The following CCL14 variants were observed in gnomAD, a reference collection of about 807,000 sequenced individuals.
The protein encoded by CCL14 is C-C motif chemokine ligand 14, also known as C-C motif chemokine 14.
CCL14 carries 8 observed loss-of-function variants against 8.2 expected under a neutral mutation model. The ratio of observed to expected loss-of-function variants is 0.98; its 90% CI spans 0.57 to 1.76. The LOEUF (loss-of-function observed/expected upper bound fraction) is 1.76, where lower values mean the gene tolerates loss of function less well. Among genes scored for constraint, CCL14 ranks in the 40% most tolerant of loss-of-function variants. The probability of loss-of-function intolerance (pLI) is 0.00; values close to 1 mark genes in which losing one functional copy is unlikely to be tolerated. For synonymous variants in CCL14, 50 were observed against 43.2 expected (o/e 1.16, Z -0.62); for missense variants, 127 against 118.3 (o/e 1.07, Z -0.34).
At chr17:35,986,283 C>CCT in intron 1 of CCL14, 2 of 441,778 alleles carry the variant, frequency 4.5e-6, no homozygotes, top group Admixed American at 3.8e-5. Flanking sequence ...CCTGGAGTCT[C>CCT]CCAAGTCAAG....
chr17:35,983,471 G>A lies in CCL14; in HGVS notation c.*330C>T, dbSNP rs78339459. 203 of 306,104 alleles carry A rather than the reference G, an allele frequency of 6.6e-4. No individual in the cohort carries two copies. The highest frequency in any genetic ancestry group is 3.9e-3 in the African/African-American group (185 of 47,478). The allele number at this position is 306,104 out of a possible 1,614,324, so 19.0% of individuals were successfully genotyped here. The stretch of plus-strand genomic sequence containing the variant: ...TACTGTTGTTGCTGAGGAGGAGACG[G>A]TCTTTACACTGCTTTTCTTTCTCAC... On this transcript the variant is annotated 3_prime_UTR_variant, in exon 3 of 3. Transcript: ENST00000618404.
At chr17:35,984,545 G>A (rs2089730524) in intron 1 of CCL14, 93 bp from the exon 2 acceptor site, 1 of 793,500 alleles carries the variant, frequency 1.3e-6, no homozygotes, top group Non-Finnish European at 2.2e-6. Context: ...GAGGAGGGAA[G>A]GAAGGAGGAG....
chr17:35,984,026 G>T lies in CCL14; in HGVS notation c.195-138C>A, dbSNP rs1381658375. The stretch of plus-strand genomic sequence containing the variant: ...CTTCCACAGAGGCAGCTTAGAGCCA[G>T]TCTCCTCTCTGAGACATACTCTTCG... On this transcript the variant is annotated intron_variant, in intron 2 of 2. Transcript: ENST00000618404. 3.1e-5 allele frequency: 22 copies of T among 719,528 alleles called. No homozygotes were observed. The South Asian group carries it at 3.3e-4, about 11-fold the overall frequency. 44.6% of individuals were successfully genotyped at this position (719,528 alleles called of 1,614,324 possible).
intron 1 of CCL14, chr17:35,984,825 C>T (rs1242762083): frequency 1.7e-5 from 7 of 414,958 alleles, no homozygotes; most frequent in Middle Eastern, 1.2e-3. Flanking sequence ...ATGCCTTATT[C>T]GGGAAAGGTG....
In CCL14 at chr17:35,983,768, T is replaced by G; in HGVS notation, c.*33A>C. On this transcript the variant is annotated 3_prime_UTR_variant, in exon 3 of 3. Coordinates refer to ENST00000618404, the MANE Select transcript of CCL14 (RefSeq NM_032963.4). The stretch of plus-strand genomic sequence containing the variant: ...CCTTGGCATCTTCTCTTTATGTCTC[T>G]GAGCTGTGCCTTCGCCACCCCTTCT... 6 of 1,478,294 alleles carry G rather than the reference T, an allele frequency of 4.1e-6. No individual in the cohort carries two copies. Among genetic ancestry groups the G allele is most frequent in the Non-Finnish European group, 5.7e-6 (6 of 1,056,018 alleles). 91.6% of individuals were successfully genotyped at this position (1,478,294 alleles called of 1,614,324 possible).
intron 1 of CCL14, chr17:35,985,674 T>C: frequency 7.6e-7 from 1 of 1,312,536 alleles, no homozygotes; most frequent in South Asian, 1.3e-5. Context: ...CAGTCAGAGC[T>C]CCTATACTCT....
rs754659661 is a variant in CCL14 at position 35,986,634 on chromosome 17, C to T, written c.16G>A (p.Ala6Thr). ...ATGAGGAGGAAGAAGGGAATGGCAG[C>T]CACGGAGATCTTCATGCTGTGGGAA... MKISVAAIPFFLLITI... is the reference protein window; with the variant it reads MKISVTAIPFFLLITI... Residue 6 changes from alanine (A) to threonine (T), a missense_variant, in exon 1 of 3, where the codon GCT becomes ACT. By Grantham distance (58) the Ala-to-Thr change is moderately conservative. Transcript: ENST00000618404. 82 of 1,613,748 alleles carry T rather than the reference C, an allele frequency of 5.1e-5. No individual in the cohort carries two copies. The highest frequency in any genetic ancestry group is 6.6e-5 in the Non-Finnish European group (78 of 1,179,914).
At chr17:35,984,538 G>T (rs2089730468) in intron 1 of CCL14, 86 bp from the exon 2 acceptor site, 1 of 846,604 alleles carries the variant, frequency 1.2e-6, no homozygotes, top group Non-Finnish European at 2.0e-6. Context: ...GGGCATGGAG[G>T]AGGGAAGGAA....
intron 1 of CCL14, chr17:35,986,153 T>C: frequency 5.5e-6 from 2 of 361,190 alleles, no homozygotes; most frequent in South Asian, 5.2e-5. Context: ...TCCATGTCCT[T>C]GAGGGCAAGG....
chr17:35,985,497 G>A, intron 1 of CCL14: 1 of 546,424 alleles, frequency 1.8e-6, no homozygotes, highest in South Asian at 2.7e-5. Flanking sequence ...TGCATGTTAT[G>A]TGACCCTGCT....
At chr17:35,986,228 CTGTT>C (rs2089766318) in intron 1 of CCL14, 1 of 369,212 alleles carries the variant, frequency 2.7e-6, no homozygotes, top group African/African-American at 2.1e-5. Flanking sequence ...GATTCAGGAT[CTGTT>C]TATTTGGAGA....
intron 1 of CCL14, chr17:35,985,743 C>T (rs1416728876): frequency 3.9e-6 from 6 of 1,551,118 alleles, no homozygotes; most frequent in Admixed American, 2.0e-5. Flanking sequence ...AAACTGTGCA[C>T]ATACCCACCA....
At position 35,983,883 on chromosome 17, in the gene CCL14, A is replaced by G; in HGVS notation, c.200T>C (p.Ile67Thr). The change falls in exon 3 of 3, where the codon ATC becomes ACC. Residue 67 changes from isoleucine (I) to threonine (T), a missense_variant. By Grantham distance (89) the Ile-to-Thr change is moderately conservative (BLOSUM62 -1). Coordinates refer to ENST00000618404, the MANE Select transcript of CCL14 (RefSeq NM_032963.4). ...ACAGACGGAATGGCCCCTTTTGGTGATGAAGCTGTGGAGCAAGAGGGAGAA... is the reference window on the plus strand; with the variant it reads ...ACAGACGGAATGGCCCCTTTTGGTGGTGAAGCTGTGGAGCAAGAGGGAGAA... ...SQCSKPGIVFITKRGHSVCTN... is the reference protein window; with the variant it reads ...SQCSKPGIVFTTKRGHSVCTN... 1 of 1,613,450 alleles carries G rather than the reference A, an allele frequency of 6.2e-7. No individual in the cohort carries two copies.
In CCL14 at chr17:35,984,397, C is replaced by T. The variant is rs148605501; in HGVS notation, c.135G>A (p.Pro45=). Reference sequence around the variant, plus strand: ...CATAGTAATCCATAATCCGCTGACGCGGGATCTTGTAGGTAGTGTAGGTGA... The same window carrying T: ...CATAGTAATCCATAATCCGCTGACGTGGGATCTTGTAGGTAGTGTAGGTGA... ...CCFTYTTYKI[P]RQRIMDYYET... Residue 45 remains proline (P), a synonymous_variant, in exon 2 of 3, where the codon CCG becomes CCA. Transcript: ENST00000618404. The T allele has an allele frequency of 1.4e-4, 221 of 1,613,736 alleles. No homozygotes were observed. Among genetic ancestry groups the T allele is most frequent in the African/African-American group, 1.1e-3 (86 of 74,964 alleles).
intron 1 of CCL14, chr17:35,985,481 G>A (rs2089750484): frequency 2.0e-6 from 1 of 504,596 alleles, no homozygotes; most frequent in Admixed American, 3.7e-5. Context: ...GGAGAAATCA[G>A]GTGTGTGCAT....
At chr17:35,986,338 A>G in intron 1 of CCL14, 2 of 523,378 alleles carry the variant, frequency 3.8e-6, no homozygotes, top group Non-Finnish European at 3.4e-6. Context: ...ACTCTTAAGC[A>G]GAACCTACAG....
chr17:35,985,668 C>A, intron 1 of CCL14: 1 of 1,261,854 alleles, frequency 7.9e-7, no homozygotes, highest in South Asian at 1.3e-5. Flanking sequence ...GAGACCCAGT[C>A]AGAGCTCCTA....
At position 35,984,464 on chromosome 17, in the gene CCL14, G is replaced by C; in HGVS notation, c.80-12C>G. 1 of 1,583,692 alleles carries C rather than the reference G, an allele frequency of 6.3e-7. No homozygotes were observed. The highest frequency in any genetic ancestry group is 1.3e-5 in the African/African-American group (1 of 74,394). On this transcript the variant is annotated splice_polypyrimidine_tract_variant and intron_variant, in intron 1 of 2. Coordinates refer to ENST00000618404, the MANE Select transcript of CCL14 (RefSeq NM_032963.4). ...GTGGTAAGGTCCCCCTGAGGAGAGA[G>C]CATCAGATGCTGAGGAGGGGCCCCT... is the stretch of plus-strand genomic sequence containing the variant.
At chr17:35,983,967 A>G in intron 2 of CCL14, 79 bp from the exon 3 acceptor site, 1 of 1,041,202 alleles carries the variant, frequency 9.6e-7, no homozygotes, top group Non-Finnish European at 1.5e-6. Flanking sequence ...CCTCCCTCCT[A>G]AATTCCCCAC....
Sources: gnomAD v4.1 joint callset for allele counts on GRCh38, gnomAD v4.1.1 for gene constraint, MANE v1.5 for transcripts, NCBI Gene and HGNC (gene_info 2026-07-23, HGNC 2026-07-21) for gene names.